The following ANKS1A variants were observed in gnomAD, a reference collection of about 807,000 sequenced individuals.
The protein encoded by ANKS1A is ankyrin repeat and SAM domain-containing protein 1A.
Under a neutral mutation model 120.3 loss-of-function variants are expected in ANKS1A, and 55 were observed. That is an observed-to-expected ratio of 0.46 (90% confidence interval 0.37 to 0.57). The LOEUF is 0.57. Ranked by LOEUF, ANKS1A falls within the 20% of genes least tolerant of loss-of-function variation. The pLI is 0.00. For synonymous variants in ANKS1A, 590 were observed against 604.7 expected (o/e 0.98, Z 0.36); for missense variants, 1,123 against 1,480.3 (o/e 0.76, Z 3.96).
In ANKS1A at chr6:35,012,097, G is replaced by A. The variant is rs138368923; in HGVS notation, c.1424-5376G>A. ...TCATGTTCTTAACATCATAGAACTG[G>A]TAGGGACTATAGAGAGGTCCTTTAA... On this transcript the variant is annotated intron_variant, in intron 10 of 23. Transcript: ENST00000360359. Among the ~76,000 whole-genome samples, 181 of 152,242 alleles carry A rather than the reference G, an allele frequency of 1.2e-3. 1 individual carries two copies. The highest frequency in any genetic ancestry group is 6.8e-3 in the Middle Eastern group (2 of 294).
chr6:34,944,354 T>C (rs574250638), intron 1 of ANKS1A, among the ~76,000 whole-genome samples: 1 of 152,312 alleles, frequency 6.6e-6, no homozygotes, highest in South Asian at 2.1e-4. Context: ...ATATCCTCAC[T>C]GTCATTTGGT....
chr6:35,097,637 GA>G, the ANKS1A span, among the ~76,000 whole-genome samples: 40,636 of 89,726 alleles, frequency 0.45, 7,155 homozygotes, highest in Non-Finnish European at 0.53. Context: ...AAAGCCAAAA[GA>G]AAAAAAAAAA....
At chr6:35,006,829 A>C (rs1188688318) in intron 10 of ANKS1A, among the ~76,000 whole-genome samples, 5 of 151,942 alleles carry the variant, frequency 3.3e-5, no homozygotes, top group African/African-American at 1.2e-4. Context: ...AAATTAAAAA[A>C]AATTTTTAAA....
At chr6:35,066,720 C>G (rs1581726485) in intron 13 of ANKS1A, among the ~76,000 whole-genome samples, 1 of 152,280 alleles carries the variant, frequency 6.6e-6, no homozygotes, top group Non-Finnish European at 1.5e-5. Flanking sequence ...TGGTGGCTGT[C>G]ACCACTGAGT....
At chr6:35,016,487 A>G (rs1339846544) in intron 10 of ANKS1A, among the ~76,000 whole-genome samples, 1 of 152,200 alleles carries the variant, frequency 6.6e-6, no homozygotes, top group Non-Finnish European at 1.5e-5. Context: ...ATGCAAGGAA[A>G]GCCCCTGGGT....
At chr6:34,901,511 TTTTG>T in intron 1 of ANKS1A, among the ~76,000 whole-genome samples, 1 of 152,094 alleles carries the variant, frequency 6.6e-6, no homozygotes, top group South Asian at 2.1e-4. Flanking sequence ...GTGGGGTTTT[TTTTG>T]TTGTTTCTTT....
At chr6:35,080,941 G>A in intron 16 of ANKS1A, 53 bp from the exon 17 acceptor site, 2 of 1,582,154 alleles carry the variant, frequency 1.3e-6, no homozygotes, top group South Asian at 1.2e-5. Context: ...GATACCTGTA[G>A]TCGGGCACTG....
At chr6:34,897,417 C>T (rs1466879253) in intron 1 of ANKS1A, among the ~76,000 whole-genome samples, 1 of 152,292 alleles carries the variant, frequency 6.6e-6, no homozygotes, top group Admixed American at 6.5e-5. Flanking sequence ...GCTATTTCTG[C>T]CCTAGTCTTT....
intron 3 of ANKS1A, among the ~76,000 whole-genome samples, chr6:34,976,097 C>T (rs1771560425): frequency 1.4e-5 from 2 of 145,826 alleles, no homozygotes; most frequent in Admixed American, 1.4e-4. Flanking sequence ...AAGGTTACGC[C>T]ACTGCACTCC....
intron 1 of ANKS1A, among the ~76,000 whole-genome samples, chr6:34,966,117 T>C (rs760926334): frequency 1.3e-5 from 2 of 152,182 alleles, no homozygotes; most frequent in Non-Finnish European, 2.9e-5. Context: ...CTAACACTGA[T>C]ACCATCCAGT....
At chr6:34,981,576 A>G (rs1771907831) in intron 3 of ANKS1A, 114 bp from the exon 4 acceptor site, 4 of 1,153,010 alleles carry the variant, frequency 3.5e-6, no homozygotes, top group East Asian at 5.0e-5. Context: ...TTAGCCCCCA[A>G]GTGTTGCTGC....
intron 12 of ANKS1A, among the ~76,000 whole-genome samples, chr6:35,056,479 AG>A (rs1020381006): frequency 2.0e-5 from 3 of 152,018 alleles, no homozygotes; most frequent in African/African-American, 4.8e-5. Flanking sequence ...TAGTAGAGAC[AG>A]GGTTTCACCG....
At chr6:35,039,380 A>G (rs1775344510) in intron 11 of ANKS1A, among the ~76,000 whole-genome samples, 1 of 151,934 alleles carries the variant, frequency 6.6e-6, no homozygotes, top group Non-Finnish European at 1.5e-5. Context: ...TATTTTTAGT[A>G]GAGATGTGGT....
rs770633206 is a variant in ANKS1A at position 35,084,967 on chromosome 6, G to A, written c.3132+709G>A. Among the ~76,000 whole-genome samples the A allele has an allele frequency of 2.0e-5, 3 of 152,186 alleles. No homozygotes were observed. Among genetic ancestry groups the A allele is most frequent in the Non-Finnish European group, 4.4e-5 (3 of 68,026 alleles). Reference sequence around the variant, plus strand: ...CTCACCCCGGGAGGAAGTCAGAGGGGTCCAGGTCTCTGCCGCCCTCAGGGA... The same window carrying A: ...CTCACCCCGGGAGGAAGTCAGAGGGATCCAGGTCTCTGCCGCCCTCAGGGA... On this transcript the variant is annotated intron_variant, in intron 21 of 23. Transcript: ENST00000360359. This position sits in a 1 kb window ranked among gnomAD's most constrained non-coding sequence, Gnocchi z 4.8.
intron 10 of ANKS1A, among the ~76,000 whole-genome samples, chr6:34,999,479 T>A (rs112593299): frequency 0.013 from 1,921 of 152,236 alleles, 35 homozygotes; most frequent in African/African-American, 0.038. Context: ...AGCGTGGTGT[T>A]TTGTCTCAAA....
At chr6:35,059,994 G>A (rs1286408213) in intron 12 of ANKS1A, among the ~76,000 whole-genome samples, 153 bp from the exon 13 acceptor site, 2 of 152,200 alleles carry the variant, frequency 1.3e-5, no homozygotes, top group East Asian at 1.9e-4. Flanking sequence ...GAGGAGCTGC[G>A]TGTCTGCTGC....
intron 11 of ANKS1A, among the ~76,000 whole-genome samples, chr6:35,023,096 C>T (rs185092542): frequency 2.0e-5 from 3 of 152,248 alleles, no homozygotes; most frequent in African/African-American, 7.2e-5. Context: ...GGTTTTGTCC[C>T]TCTACTGAAA....
In ANKS1A at chr6:35,085,180, T is replaced by C. The variant is rs1411861198; in HGVS notation, c.3133-586T>C. 2.0e-5 allele frequency among the ~76,000 whole-genome samples: 3 copies of C among 152,190 alleles called. No homozygotes were observed. Among genetic ancestry groups the C allele is most frequent in the African/African-American group, 7.2e-5 (3 of 41,448 alleles). ...CATCGCATCTGCCTGCTTCCTCATC[T>C]GTCTGGAGGGGATATAATGTGGCCC... On this transcript the variant is annotated intron_variant, in intron 21 of 23. Transcript: ENST00000360359. The surrounding 1 kb of genome is among the most constrained non-coding windows in gnomAD (Gnocchi z 4.7).
In ANKS1A at chr6:35,082,691, G is replaced by A. The variant is rs768595820; in HGVS notation, c.2710G>A (p.Glu904Lys). 1.2e-6 allele frequency: 2 copies of A among 1,607,908 alleles called. No individual in the cohort carries two copies. The highest frequency in any genetic ancestry group is 1.7e-6 in the Non-Finnish European group (2 of 1,176,992). ...GTGTCCAATTGCGTGTGTTTCGCAG[G>A]AGGAGCACCGTGAGGCCAAGCTGAC... ...PSRAERFRIQ[E>K]EHREAKLTLR... Residue 904 changes from glutamate (E) to lysine (K), a missense_variant and splice_region_variant, in exon 18 of 24, where the codon GAG becomes AAG. Physicochemically the swap from Glu to Lys is moderately conservative, Grantham distance 56. Transcript: ENST00000360359. This position sits in a 1 kb window ranked among gnomAD's most constrained non-coding sequence, Gnocchi z 4.1.
Sources: gnomAD v4.1 joint callset for allele counts (sites outside exome capture counted in the v4.1 genomes callset) on GRCh38, gnomAD v4.1.1 for gene constraint, Gnocchi (gnomAD v3.1) non-coding constraint, MANE v1.5 for transcripts, NCBI Gene and HGNC (gene_info 2026-07-23, HGNC 2026-07-21) for gene names.